ANKRD45: variants seen among roughly 807,000 people sequenced by gnomAD.
The protein encoded by ANKRD45 is ankyrin repeat domain 45, also known as ankyrin repeat domain-containing protein 45.
Under a neutral mutation model 28.1 loss-of-function variants are expected in ANKRD45, and 21 were observed. The ratio of observed to expected loss-of-function variants is 0.75; its 90% CI spans 0.53 to 1.08. ANKRD45 has a LOEUF of 1.08. ANKRD45 is among the 50% of genes least tolerant of loss of function. The pLI is 0.00. For missense variants in ANKRD45, 261 were observed against 308.7 expected, an observed-to-expected ratio of 0.85 and a Z score of 1.16; for synonymous variants, 86 against 103.9, an observed-to-expected ratio of 0.83 and a Z score of 1.05.
upstream of ANKRD45, among the ~76,000 whole-genome samples, chr1:173,670,631 T>C (rs1474471877): frequency 6.6e-6 from 1 of 152,184 alleles, no homozygotes; most frequent in East Asian, 1.9e-4. Context: ...ATTTCACCAT[T>C]GTTACAGTAG....
At chr1:173,675,614 A>G in the ANKRD45 span, among the ~76,000 whole-genome samples, 1 of 152,176 alleles carries the variant, frequency 6.6e-6, no homozygotes, top group East Asian at 1.9e-4. Context: ...ACTCTGTCTC[A>G]AAAAGAAAAA....
chr1:173,645,923 T>C (rs1278099947), intron 3 of ANKRD45, among the ~76,000 whole-genome samples: 1 of 152,214 alleles, frequency 6.6e-6, no homozygotes, highest in African/African-American at 2.4e-5. Flanking sequence ...ACAGTCTTTC[T>C]GATATTTTTA....
chr1:173,676,731 C>G, the ANKRD45 span, among the ~76,000 whole-genome samples: 2 of 145,620 alleles, frequency 1.4e-5, no homozygotes, highest in Admixed American at 1.4e-4. Flanking sequence ...TTATGGCACA[C>G]AATAATTTAC....
At chr1:173,710,821 C>A in the ANKRD45 span, among the ~76,000 whole-genome samples, 1 of 152,110 alleles carries the variant, frequency 6.6e-6, no homozygotes, top group East Asian at 1.9e-4. Flanking sequence ...CTGACCATCA[C>A]CCGATGGTCA....
At chr1:173,628,426 C>T (rs553450874) in intron 3 of ANKRD45, among the ~76,000 whole-genome samples, 1 of 152,172 alleles carries the variant, frequency 6.6e-6, no homozygotes, top group Non-Finnish European at 1.5e-5. Flanking sequence ...GAAACCCATG[C>T]TGGGCAGTAT....
intron 2 of ANKRD45, among the ~76,000 whole-genome samples, chr1:173,649,460 A>AT (rs1408843296): frequency 1.2e-4 from 18 of 152,184 alleles, no homozygotes; most frequent in African/African-American, 4.3e-4. Context: ...AGTTAAACAT[A>AT]TTTTCATTTA....
At chr1:173,611,620 C>A (rs1012080415) in intron 5 of ANKRD45, among the ~76,000 whole-genome samples, 3 of 84,556 alleles carry the variant, frequency 3.5e-5, no homozygotes, top group Non-Finnish European at 7.7e-5. Flanking sequence ...CACACACACA[C>A]AATAAAAATA....
In ANKRD45 at chr1:173,610,165, G is replaced by T. The variant is rs1156797837; in HGVS notation, c.781C>A (p.Gln261Lys). The change falls in exon 6 of 6, where the codon CAA becomes AAA. Residue 261 changes from glutamine (Q) to lysine (K), a missense_variant. Transcript: ENST00000333279. ...TATGTTCAGTTGGAGGTATCATCTT[G>T]ACTTCTCTTCTGGTCATGGCTTGTT... ...SVTSHDQKRS[Q>K]DDTSN 1.2e-6 allele frequency: 2 copies of T among 1,614,134 alleles called. No homozygotes were observed. Among genetic ancestry groups the T allele is most frequent in the Admixed American group, 1.7e-5 (1 of 60,028 alleles).
At chr1:173,682,684 T>TACGCGC in the ANKRD45 span, among the ~76,000 whole-genome samples, 20 of 143,940 alleles carry the variant, frequency 1.4e-4, no homozygotes, top group South Asian at 8.9e-4. Flanking sequence ...GCCTTTTAAA[T>TACGCGC]ACACACACAC....
chr1:173,705,126 T>A, the ANKRD45 span, among the ~76,000 whole-genome samples: 70 of 152,220 alleles, frequency 4.6e-4, no homozygotes, highest in African/African-American at 1.6e-3. Context: ...GCTCTCTCTG[T>A]CAACAGCACT....
chr1:173,684,243 A>G, the ANKRD45 span, among the ~76,000 whole-genome samples: 3 of 152,180 alleles, frequency 2.0e-5, no homozygotes, highest in Non-Finnish European at 4.4e-5. Flanking sequence ...TAGAAGGCAA[A>G]GGATTGAACA....
chr1:173,667,683 C>T (rs1283442619), intron 1 of ANKRD45: 1 of 420,334 alleles, frequency 2.4e-6, no homozygotes, highest in East Asian at 7.9e-5. Flanking sequence ...TCCAGCCTGG[C>T]ACAACAGAAT....
intron 5 of ANKRD45, among the ~76,000 whole-genome samples, chr1:173,614,004 C>G (rs1008383644): frequency 1.3e-5 from 2 of 152,150 alleles, no homozygotes; most frequent in Non-Finnish European, 2.9e-5. Flanking sequence ...TGTGCTGTGT[C>G]CACTCAGGGT....
the ANKRD45 span, among the ~76,000 whole-genome samples, chr1:173,710,509 C>T: frequency 1.3e-5 from 2 of 152,128 alleles, no homozygotes; most frequent in Non-Finnish European, 2.9e-5. Flanking sequence ...GTGGGTTGTC[C>T]GCATGTGCAA....
At chr1:173,685,487 C>T in the ANKRD45 span, among the ~76,000 whole-genome samples, 3 of 152,210 alleles carry the variant, frequency 2.0e-5, no homozygotes, top group Non-Finnish European at 4.4e-5. Flanking sequence ...GGTAAGGGGA[C>T]AATCTGGGCC....
chr1:173,649,457 CAT>C (rs1669084470), intron 2 of ANKRD45, among the ~76,000 whole-genome samples: 1 of 152,094 alleles, frequency 6.6e-6, no homozygotes, highest in Non-Finnish European at 1.5e-5. Context: ...TGAAGTTAAA[CAT>C]ATTTTCATTT....
At chr1:173,689,061 G>A in the ANKRD45 span, among the ~76,000 whole-genome samples, 63 of 152,258 alleles carry the variant, frequency 4.1e-4, no homozygotes, top group African/African-American at 1.5e-3. Context: ...CTCCTGCTGG[G>A]ACTCAATATA....
chr1:173,665,650 A>T (rs149771000), intron 1 of ANKRD45, among the ~76,000 whole-genome samples: 1 of 152,282 alleles, frequency 6.6e-6, no homozygotes, highest in Non-Finnish European at 1.5e-5. Flanking sequence ...TACAGTCTTA[A>T]AAATTGAGAA....
chr1:173,683,582 T>C, the ANKRD45 span, among the ~76,000 whole-genome samples: 1 of 152,166 alleles, frequency 6.6e-6, no homozygotes. Context: ...AGATAGCTCA[T>C]GCTGGTACCA....
Sources: gnomAD v4.1 joint callset for allele counts (sites outside exome capture counted in the v4.1 genomes callset) on GRCh38, gnomAD v4.1.1 for gene constraint, MANE v1.5 for transcripts, NCBI Gene and HGNC (gene_info 2026-07-23, HGNC 2026-07-21) for gene names.